Variants in PRRC2C observed in about 807,000 individuals in gnomAD.
PRRC2C encodes the protein proline rich coiled-coil 2C, also known as protein PRRC2C.
Under a neutral mutation model 317.2 loss-of-function variants are expected in PRRC2C, and 72 were observed. The observed-to-expected ratio is 0.23, with a 90% confidence interval of 0.19 to 0.28. The LOEUF is 0.28. PRRC2C is among the 10% of genes least tolerant of loss of function. The pLI is 1.00. For synonymous variants in PRRC2C, 1,296 were observed against 1,205.9 expected, an observed-to-expected ratio of 1.07 and a Z score of -1.55; for missense variants, 3,074 against 3,459.7, an observed-to-expected ratio of 0.89 and a Z score of 2.80.
In PRRC2C at chr1:171,589,614, A is replaced by G. The variant is rs571692198; in HGVS notation, c.8436+9A>G. The G allele has an allele frequency of 9.4e-6, 12 of 1,283,144 alleles. No individual in the cohort carries two copies. The highest frequency in any genetic ancestry group is 1.2e-5 in the Non-Finnish European group (12 of 982,914). 79.5% of individuals were successfully genotyped at this position (1,283,144 alleles called of 1,614,324 possible). A position where few individuals can be genotyped will look rare whatever the true frequency, so the allele number is the denominator to read the frequency against. On this transcript the variant is annotated intron_variant, in intron 34 of 34. Transcript: ENST00000647382. ...CTGAACAAGACATGAAGGTTAGTAC[A>G]GTGTTAACAGCCAACAGATCAAGAA...
At position 171,541,187 on chromosome 1, in the gene PRRC2C, C is replaced by T. The variant is rs1298546255; in HGVS notation, c.3721C>T (p.Arg1241Ter). The change falls in exon 16 of 35, where the codon CGA becomes TGA. Residue 1241 changes from arginine (R) to a stop codon, truncating the protein, a stop_gained. Transcript: ENST00000647382. LOFTEE classifies it high-confidence loss of function. This position sits in a 1 kb window ranked among gnomAD's most constrained non-coding sequence, Gnocchi z 4.1. ...EHIPSGPLRQREESETRSESS... is the reference protein window; with the variant it reads ...EHIPSGPLRQ ...TATACCCTCAGGGCCTCTCAGACAG[C>T]GAGAAGAAAGTGAAACACGGAGTGA... The T allele has an allele frequency of 6.2e-7, 1 of 1,612,294 alleles. No homozygotes were observed.
chr1:171,566,923 T>C, intron 22 of PRRC2C, 80 bp downstream of exon 22: 4 of 1,122,298 alleles, frequency 3.6e-6, no homozygotes, highest in East Asian at 3.0e-5. Flanking sequence ...AACAGTCTGC[T>C]TTTTTTTTTC....
rs1553245738 is a variant in PRRC2C, at chr1:171,577,771, ATTTTTTTT to A, written c.7159+151_7159+158del. On this transcript the variant is annotated intron_variant, in intron 26 of 34. Coordinates refer to ENST00000647382, the MANE Select transcript of PRRC2C (RefSeq NM_001387844.1). The stretch of plus-strand genomic sequence containing the variant: ...CATTGCTGTAAATATTTAAATTCGC[ATTTTTTTT>A]TTTTTTTTTTTTTTTTGAGATGGTG... 2,908 of 299,932 alleles carry A rather than the reference ATTTTTTTT, an allele frequency of 9.7e-3. 53 individuals are homozygous for A. The highest frequency in any genetic ancestry group is 0.012 in the Non-Finnish European group (2,331 of 189,862). 18.6% of individuals were successfully genotyped at this position (299,932 alleles called of 1,614,324 possible).
chr1:171,504,341 A>C (rs1329108881), intron 1 of PRRC2C, among the ~76,000 whole-genome samples: 6 of 152,300 alleles, frequency 3.9e-5, no homozygotes, highest in Admixed American at 2.6e-4. Flanking sequence ...TATATCTAAG[A>C]AGTCCTTATC....
intron 3 of PRRC2C, chr1:171,513,468 A>G (rs984344937): frequency 1.2e-5 from 6 of 505,542 alleles, no homozygotes; most frequent in African/African-American, 5.8e-5. Flanking sequence ...CCTTTCCAAT[A>G]TGATTAAGAG....
intron 24 of PRRC2C, among the ~76,000 whole-genome samples, chr1:171,573,744 T>TCTCGG (rs1220546092): frequency 6.8e-6 from 1 of 146,298 alleles, no homozygotes; most frequent in East Asian, 2.0e-4. Flanking sequence ...AGTGGCGCTA[T>TCTCGG]CTCGGCTCAC....
intron 12 of PRRC2C, among the ~76,000 whole-genome samples, chr1:171,533,431 G>A (rs12136576): frequency 0.24 from 23,976 of 99,832 alleles, 1,954 homozygotes; most frequent in Middle Eastern, 0.42. Flanking sequence ...TGGTGTAGTT[G>A]ATATGCTATT....
intron 6 of PRRC2C, among the ~76,000 whole-genome samples, chr1:171,520,319 A>G (rs1461304624): frequency 6.6e-6 from 1 of 152,192 alleles, no homozygotes; most frequent in Non-Finnish European, 1.5e-5. Flanking sequence ...TTGAAAAATG[A>G]TTTATACCCA....
chr1:171,496,199 CTTTTTTTT>C (rs528654548), intron 1 of PRRC2C, among the ~76,000 whole-genome samples: 2,248 of 75,702 alleles, frequency 0.03, 29 homozygotes, highest in Middle Eastern at 0.077. Flanking sequence ...ATTTTTGTGC[CTTTTTTTT>C]TTTTTTTTTT....
Position 171,535,396 on chromosome 1 carries a change from A to G in PRRC2C, c.1874-32A>G, listed in dbSNP as rs756209240. 8 of 1,586,272 alleles carry G rather than the reference A, an allele frequency of 5.0e-6. No homozygotes were observed. The Admixed American group carries it at 1.5e-4, about 29-fold the overall frequency. On this transcript the variant is annotated intron_variant, in intron 12 of 34. Coordinates refer to ENST00000647382, the MANE Select transcript of PRRC2C (RefSeq NM_001387844.1). ...TGTGTTTGATAAGTGTCATAGATGA[A>G]TACTATTACCTTTCACCTTTTCTTT...
chr1:171,558,060 C>G lies in PRRC2C; in HGVS notation c.5948C>G (p.Pro1983Arg). ...GCCTCAGGAAAATCCATCCAGACCC[C>G]ACAGTCACATGGCACTCTGACAGCT... Reference protein sequence around the residue: ...YVASGKSIQTPQSHGTLTAEL... With the variant: ...YVASGKSIQTRQSHGTLTAEL... The change falls in exon 19 of 35, where the codon CCA becomes CGA. Residue 1983 changes from proline to arginine, a missense_variant. This residue lies in a region of PRRC2C where 640 missense variants were observed against 676.1 expected (regional missense o/e 0.95). Coordinates refer to ENST00000647382, the MANE Select transcript of PRRC2C (RefSeq NM_001387844.1). The G allele has an allele frequency of 6.2e-7, 1 of 1,613,992 alleles. No homozygotes were observed. Among genetic ancestry groups the G allele is most frequent in the Non-Finnish European group, 8.5e-7 (1 of 1,179,890 alleles).
In PRRC2C at chr1:171,541,121, G is replaced by A. The variant is rs1259350732; in HGVS notation, c.3655G>A (p.Asp1219Asn). 6.2e-7 allele frequency: 1 copy of A among 1,613,808 alleles called. No individual in the cohort carries two copies. The highest frequency in any genetic ancestry group is 8.5e-7 in the Non-Finnish European group (1 of 1,179,868). ...CAGGGGTGGTAGGGGACACACTCGA[G>A]ATTATCCTCAGTATAGAGACAATAA... Reference protein sequence around the residue: ...RGRGGRGHTRDYPQYRDNKPR... With the variant: ...RGRGGRGHTRNYPQYRDNKPR... Residue 1219 changes from aspartate (D) to asparagine (N), a missense_variant, in exon 16 of 35, where the codon GAT becomes AAT. Asp to Asn is a conservative substitution (Grantham distance 23). Transcript: ENST00000647382. This position sits in a 1 kb window ranked among gnomAD's most constrained non-coding sequence, Gnocchi z 4.1.
chr1:171,532,693 A>G lies in PRRC2C; in HGVS notation c.1605A>G (p.Lys535=), dbSNP rs1329404815. 1.0e-5 allele frequency: 16 copies of G among 1,551,110 alleles called. No homozygotes were observed. Among genetic ancestry groups the G allele is most frequent in the Admixed American group, 7.9e-5 (4 of 50,868 alleles). Residue 535 remains lysine (K), a synonymous_variant, in exon 12 of 35, where the codon AAA becomes AAG. Coordinates refer to ENST00000647382, the MANE Select transcript of PRRC2C (RefSeq NM_001387844.1). ...QEQEREKERE[K]DRERQQEKEK... is the part of the protein sequence containing the mutation. ...AGGAGCGAGAGAAGGAGAGGGAAAA[A>G]GACAGAGAGAGACAGCAGGAAAAGG...
At chr1:171,576,237 G>C (rs1685673647) in intron 25 of PRRC2C, among the ~76,000 whole-genome samples, 1 of 152,206 alleles carries the variant, frequency 6.6e-6, no homozygotes, top group South Asian at 2.1e-4. Context: ...AAGGAAACAG[G>C]AGAGTATGGT....
At chr1:171,502,245 A>G (rs76237457) in intron 1 of PRRC2C, among the ~76,000 whole-genome samples, 19,344 of 152,300 alleles carry the variant, frequency 0.13, 1,621 homozygotes, top group South Asian at 0.36. Context: ...TTTGCTTTTC[A>G]GTGGTTCTCA....
chr1:171,554,599 C>G (rs911692495), intron 18 of PRRC2C, among the ~76,000 whole-genome samples: 1 of 152,174 alleles, frequency 6.6e-6, no homozygotes, highest in African/African-American at 2.4e-5. Context: ...TTTGCAGTGA[C>G]TAGTACTGGT....
intron 17 of PRRC2C, among the ~76,000 whole-genome samples, chr1:171,549,368 A>G (rs1326382997): frequency 2.6e-5 from 4 of 152,190 alleles, no homozygotes; most frequent in African/African-American, 7.2e-5. Flanking sequence ...AGGAGAAATA[A>G]TAGTAACAGC....
Position 171,587,098 on chromosome 1 carries a change from A to G in PRRC2C, c.7845A>G (p.Pro2615=). 1.2e-6 allele frequency: 2 copies of G among 1,612,030 alleles called. No individual in the cohort carries two copies. The highest frequency in any genetic ancestry group is 1.7e-6 in the Non-Finnish European group (2 of 1,179,156). Residue 2615 remains proline (P), a synonymous_variant, in exon 31 of 35, where the codon CCA becomes CCG. Transcript: ENST00000647382. ...LIALPQTLQP[P]LQHTTPQAQA... The stretch of plus-strand genomic sequence containing the variant: ...CTTTGCCTCAGACTCTTCAGCCCCC[A>G]TTACAGCATACCACTCCCCAAGCAC...
rs578119273 is a variant in PRRC2C at position 171,561,725 on chromosome 1, C to T, written c.6117+622C>T. On this transcript the variant is annotated intron_variant, in intron 20 of 34. Coordinates refer to ENST00000647382, the MANE Select transcript of PRRC2C (RefSeq NM_001387844.1). ...AAAAGTGCAATTATTGTTTTCTGGA[C>T]TTTTCTCCCATGTTTCTATCTTGAG... Among the ~76,000 whole-genome samples, 23 of 152,308 alleles carry T rather than the reference C, an allele frequency of 1.5e-4. 1 individual carries two copies. In the South Asian group the frequency reaches 3.7e-3, roughly 25 times the overall value.
Sources: allele counts gnomAD v4.1 joint callset (sites outside exome capture counted in the v4.1 genomes callset), GRCh38; gene constraint gnomAD v4.1.1; regional missense constraint gnomAD v4.1.1; non-coding constraint Gnocchi (gnomAD v3.1); transcripts MANE v1.5; gene names NCBI Gene and HGNC (gene_info 2026-07-23, HGNC 2026-07-21).